The following HHIPL1 variants were observed in gnomAD, a reference collection of about 807,000 sequenced individuals.
HHIPL1 encodes HHIP-like protein 1.
Under a neutral mutation model 61.8 loss-of-function variants are expected in HHIPL1, and 43 were observed. That is an observed-to-expected ratio of 0.70 (90% CI 0.55 to 0.90). HHIPL1 has a LOEUF of 0.90. HHIPL1 is among the 40% of genes least tolerant of loss of function. The pLI is 0.00. For missense variants in HHIPL1, 1,056 were observed against 1,157.7 expected (o/e 0.91, Z 1.28); for synonymous variants, 482 against 515.8 (o/e 0.93, Z 0.89).
At chr14:99,648,255 G>C (rs1488985445) in intron 1 of HHIPL1, among the ~76,000 whole-genome samples, 1 of 152,176 alleles carries the variant, frequency 6.6e-6, no homozygotes, top group Non-Finnish European at 1.5e-5. Context: ...CATGTTGATA[G>C]CTCATTATTT....
chr14:99,656,869 AAGGAAGGAAGGAAGGAAGGAAGGAAG>A (rs2056052393), intron 2 of HHIPL1, 105 bp from the exon 3 acceptor site: 1 of 108,772 alleles, frequency 9.2e-6, no homozygotes, highest in Admixed American at 1.2e-4. Context: ...GGAAGGAAGG[AAGGAAGGAAGGAAGGAAGGAAGGAAG>A]GTCTTTTCCA....
At chr14:99,640,877 C>CCTTTT (rs1406942441), upstream of HHIPL1, among the ~76,000 whole-genome samples, 3 of 69,856 alleles carry the variant, frequency 4.3e-5, no homozygotes, top group African/African-American at 1.7e-4. Flanking sequence ...ACTTCTTCTT[C>CCTTTT]TTTTTTTTTT....
chr14:99,638,123 T>G, the HHIPL1 span, among the ~76,000 whole-genome samples: 1 of 152,256 alleles, frequency 6.6e-6, no homozygotes, highest in Non-Finnish European at 1.5e-5. Context: ...GGCTCTGGCC[T>G]GAGGTCTGCG....
At position 99,678,042 on chromosome 14, in the gene HHIPL1, T is replaced by C. The variant is rs1259512126; in HGVS notation, c.*2416T>C. The stretch of plus-strand genomic sequence containing the variant: ...GGGGGGATGGTTTTGGGATGAAATG[T>C]CCCACCTCAGATCATCAGGCATTAG... On this transcript the variant is annotated 3_prime_UTR_variant, in exon 9 of 9. Coordinates refer to ENST00000330710, the MANE Select transcript of HHIPL1 (RefSeq NM_001127258.3). 1 of 152,270 alleles carries C rather than the reference T, an allele frequency of 6.6e-6. No homozygotes were observed. The highest frequency in any genetic ancestry group is 2.4e-5 in the African/African-American group (1 of 41,456). The allele number at this position is 152,270 out of a possible 1,614,324, so 9.4% of individuals were successfully genotyped here.
At chr14:99,637,046 A>AGAAAGAAG in the HHIPL1 span, among the ~76,000 whole-genome samples, 131 of 92,360 alleles carry the variant, frequency 1.4e-3, 4 homozygotes, top group African/African-American at 3.4e-3. Flanking sequence ...AAAGAAAGAA[A>AGAAAGAAG]GAAGGAAGGA....
intron 1 of HHIPL1, 63 bp downstream of exon 1, chr14:99,645,525 T>G: frequency 8.1e-7 from 1 of 1,239,938 alleles, no homozygotes; most frequent in Middle Eastern, 3.2e-4. Context: ...GGAGCAGAGA[T>G]CGGAACCCCG....
intron 7 of HHIPL1, among the ~76,000 whole-genome samples, chr14:99,669,794 G>A (rs187477713): frequency 8.8e-4 from 134 of 152,216 alleles, no homozygotes; most frequent in South Asian, 5.4e-3. Context: ...GTGTGCTGGC[G>A]CACATCTATA....
rs2056134421 is a variant in HHIPL1 at position 99,660,466 on chromosome 14, C to G, written c.1502+60C>G. The G allele has an allele frequency of 1.9e-6, 3 of 1,569,812 alleles. No homozygotes were observed. In the South Asian group the frequency reaches 3.6e-5, roughly 19 times the overall value. On this transcript the variant is annotated intron_variant, in intron 5 of 8. Transcript: ENST00000330710. This position sits in a 1 kb window ranked among gnomAD's most constrained non-coding sequence, Gnocchi z 4.9. Reference sequence around the variant, plus strand: ...TGCCACTGGCTCCTTGGGACTGGCTCCTTGGTAAAGGGGAGTGTATGTGTG... The same window carrying G: ...TGCCACTGGCTCCTTGGGACTGGCTGCTTGGTAAAGGGGAGTGTATGTGTG...
chr14:99,630,337 C>T, the HHIPL1 span, among the ~76,000 whole-genome samples: 4 of 152,202 alleles, frequency 2.6e-5, no homozygotes, highest in South Asian at 6.2e-4. Flanking sequence ...GTCATTCCAT[C>T]GCGTTTCATC....
chr14:99,665,991 A>C (rs1235028950), intron 6 of HHIPL1, among the ~76,000 whole-genome samples: 1 of 151,790 alleles, frequency 6.6e-6, no homozygotes, highest in African/African-American at 2.4e-5. Flanking sequence ...CATGTTGGCC[A>C]GGCTGCTCTC....
At chr14:99,605,445 G>A in the HHIPL1 span, among the ~76,000 whole-genome samples, 1 of 152,124 alleles carries the variant, frequency 6.6e-6, no homozygotes, top group Non-Finnish European at 1.5e-5. Flanking sequence ...ACGCGACAGT[G>A]AGCGGCCCAC....
chr14:99,612,853 T>C, the HHIPL1 span, among the ~76,000 whole-genome samples: 6 of 152,124 alleles, frequency 3.9e-5, no homozygotes, highest in African/African-American at 1.4e-4. Flanking sequence ...ACGGCTCACG[T>C]CCCAGGCCTT....
intron 1 of HHIPL1, among the ~76,000 whole-genome samples, chr14:99,650,506 G>A (rs2055910839): frequency 6.6e-6 from 1 of 152,234 alleles, no homozygotes; most frequent in Non-Finnish European, 1.5e-5. Flanking sequence ...GTAGGGTGCA[G>A]GGAGGGTGCT....
In HHIPL1 at chr14:99,657,114, C is replaced by T. The variant is rs1230730820; in HGVS notation, c.1017C>T (p.Pro339=). The T allele has an allele frequency of 1.7e-5, 28 of 1,613,084 alleles. No homozygotes were observed. Among genetic ancestry groups the T allele is most frequent in the Non-Finnish European group, 2.0e-5 (24 of 1,179,720 alleles). Residue 339 remains proline, a synonymous_variant, in exon 3 of 9, where the codon CCC becomes CCT. Coordinates refer to ENST00000330710, the MANE Select transcript of HHIPL1 (RefSeq NM_001127258.3). ...FTGDGGMAGD[P]FGTFGNAQNK... ...GAGATGGCGGGATGGCCGGAGACCC[C>T]TTTGGGACATTTGGAAATGCCCAAA... is the stretch of plus-strand genomic sequence containing the variant.
the HHIPL1 span, among the ~76,000 whole-genome samples, chr14:99,623,168 C>T: frequency 6.6e-6 from 1 of 152,206 alleles, no homozygotes. Context: ...TCCCCACAGC[C>T]CTGCCAGCTC....
rs1048130047 is a variant in HHIPL1, at chr14:99,657,372, G to A, written c.1046+229G>A. Among the ~76,000 whole-genome samples, 42 of 152,334 alleles carry A rather than the reference G, an allele frequency of 2.8e-4. 1 individual carries two copies. The highest frequency in any genetic ancestry group is 1.3e-4 in the Non-Finnish European group (9 of 68,028). On this transcript the variant is annotated intron_variant, in intron 3 of 8. Coordinates refer to ENST00000330710, the MANE Select transcript of HHIPL1 (RefSeq NM_001127258.3). ...CAGGCAGCTTGTCACAAGGAGTAAA[G>A]GCAATCATGGCTGCTCAGGGCCTGG...
chr14:99,655,161 C>T (rs192656683), intron 2 of HHIPL1, among the ~76,000 whole-genome samples: 3 of 152,314 alleles, frequency 2.0e-5, no homozygotes, highest in Admixed American at 2.0e-4. Flanking sequence ...AAAGTCTGAG[C>T]TGTTCTCTCC....
At chr14:99,647,241 G>A (rs573985460) in intron 1 of HHIPL1, among the ~76,000 whole-genome samples, 1 of 152,314 alleles carries the variant, frequency 6.6e-6, no homozygotes, top group Admixed American at 6.5e-5. Flanking sequence ...ACCTTTAGGT[G>A]GGCTCTGCTG....
At chr14:99,629,975 CT>C in the HHIPL1 span, among the ~76,000 whole-genome samples, 1,769 of 152,346 alleles carry the variant, frequency 0.012, 43 homozygotes, top group African/African-American at 0.041. Flanking sequence ...ATTTACTTGC[CT>C]GCCTCCAGTG....
Sources: gnomAD v4.1 joint callset for allele counts (sites outside exome capture counted in the v4.1 genomes callset) on GRCh38, gnomAD v4.1.1 for gene constraint, Gnocchi (gnomAD v3.1) non-coding constraint, MANE v1.5 for transcripts, NCBI Gene and HGNC (gene_info 2026-07-23, HGNC 2026-07-21) for gene names.